The following GABRG3 variants were observed in gnomAD, a reference collection of about 807,000 sequenced individuals.
GABRG3 encodes gamma-aminobutyric acid type A receptor subunit gamma3.
In GABRG3, 25 loss-of-function variants were observed where a neutral mutation model predicts 48.8. The observed-to-expected ratio is 0.51, with a 90% CI of 0.37 to 0.72. GABRG3 has a LOEUF of 0.72. GABRG3 is among the 30% of genes least tolerant of loss of function. GABRG3 has a pLI of 0.00. For synonymous variants in GABRG3, 227 were observed against 217.6 expected (o/e 1.04, Z -0.38); for missense variants, 394 against 577.9 (o/e 0.68, Z 3.26).
intron 3 of GABRG3, among the ~76,000 whole-genome samples, chr15:27,197,835 G>A (rs957134538): frequency 5.9e-5 from 9 of 151,988 alleles, no homozygotes; most frequent in Non-Finnish European, 1.2e-4. Flanking sequence ...GTTTAGTCTT[G>A]GGAGGATGTG....
intron 3 of GABRG3, among the ~76,000 whole-genome samples, chr15:27,222,891 C>T (rs1889497337): frequency 6.6e-6 from 1 of 152,192 alleles, no homozygotes; most frequent in Non-Finnish European, 1.5e-5. Context: ...TCCACACAGT[C>T]TCACTTCAGA....
rs57522857 is a variant in GABRG3, at chr15:27,265,882, G to GTTTTTTTTTTTTTTTTTTTTT, written c.271-60912_271-60911insTTTTTTTTTTTTTTTTTTTTT. Among the ~76,000 whole-genome samples, 16 of 127,582 alleles carry GTTTTTTTTTTTTTTTTTTTTT rather than the reference G, an allele frequency of 1.3e-4. 1 individual carries two copies. Among genetic ancestry groups the GTTTTTTTTTTTTTTTTTTTTT allele is most frequent in the African/African-American group, 2.7e-4 (8 of 29,444 alleles). 83.7% of individuals were successfully genotyped at this position (127,582 alleles called of 152,430 possible). On this transcript the variant is annotated intron_variant, in intron 3 of 9. Transcript: ENST00000615808. ...GCAAGGTCAAGAAGATTTTCTCCTG[G>GTTTTTTTTTTTTTTTTTTTTT]TTTTTTTTTTTTTTTGAGAGTGACC...
intron 3 of GABRG3, among the ~76,000 whole-genome samples, chr15:27,318,574 G>A (rs1893311894): frequency 6.6e-6 from 1 of 152,184 alleles, no homozygotes; most frequent in African/African-American, 2.4e-5. Context: ...AGGGCCGATT[G>A]TGCCCAGGGA....
intron 3 of GABRG3, among the ~76,000 whole-genome samples, chr15:27,225,619 G>A (rs966081162): frequency 1.3e-5 from 2 of 152,120 alleles, no homozygotes; most frequent in African/African-American, 2.4e-5. Context: ...GGATGAAGAG[G>A]CAAGCATGGA....
chr15:27,254,216 G>A (rs1403376981), intron 3 of GABRG3, among the ~76,000 whole-genome samples: 1 of 152,126 alleles, frequency 6.6e-6, no homozygotes, highest in Non-Finnish European at 1.5e-5. Context: ...CTGGAGATAT[G>A]CCAGGTGGGG....
intron 2 of GABRG3, among the ~76,000 whole-genome samples, chr15:27,001,039 C>T (rs1006249427): frequency 1.3e-5 from 2 of 152,144 alleles, no homozygotes; most frequent in Non-Finnish European, 2.9e-5. Flanking sequence ...GTTACCCAAG[C>T]GAGGACCTTT....
intron 3 of GABRG3, among the ~76,000 whole-genome samples, chr15:27,156,319 A>T (rs1898423982): frequency 7.0e-6 from 1 of 142,596 alleles, no homozygotes; most frequent in Admixed American, 7.0e-5. Context: ...AAAAAAAAAA[A>T]AAGAAAGAAA....
chr15:27,060,024 C>T (rs1382506374), intron 3 of GABRG3, among the ~76,000 whole-genome samples: 3 of 152,192 alleles, frequency 2.0e-5, no homozygotes, highest in Non-Finnish European at 2.9e-5. Context: ...AAACACTAGA[C>T]TTTCCACAAT....
intron 3 of GABRG3, among the ~76,000 whole-genome samples, chr15:27,274,168 G>C (rs1891177860): frequency 6.6e-6 from 1 of 152,200 alleles, no homozygotes; most frequent in Non-Finnish European, 1.5e-5. Context: ...ATCAAGGACA[G>C]AGTAGTGACT....
chr15:27,488,325 A>G (rs1890268040), intron 6 of GABRG3, among the ~76,000 whole-genome samples: 1 of 152,178 alleles, frequency 6.6e-6, no homozygotes, highest in African/African-American at 2.4e-5. Flanking sequence ...CTTAGCACAT[A>G]GCATTGTACT....
chr15:26,972,582 A>G (rs146327831), intron 1 of GABRG3, among the ~76,000 whole-genome samples: 3 of 152,084 alleles, frequency 2.0e-5, no homozygotes, highest in Non-Finnish European at 4.4e-5. Context: ...TCTTGTTTTG[A>G]CGCTTCTCCA....
At chr15:27,301,196 A>C (rs910339730) in intron 3 of GABRG3, among the ~76,000 whole-genome samples, 41 of 152,204 alleles carry the variant, frequency 2.7e-4, no homozygotes, top group African/African-American at 8.4e-4. Context: ...AGCGAATGTG[A>C]TGCTAAAGAA....
At chr15:27,102,813 T>G (rs191667772) in intron 3 of GABRG3, among the ~76,000 whole-genome samples, 83 of 152,290 alleles carry the variant, frequency 5.5e-4, no homozygotes, top group African/African-American at 1.8e-3. Flanking sequence ...TTTACCGACA[T>G]AAGTATATAA....
intron 3 of GABRG3, among the ~76,000 whole-genome samples, chr15:27,170,020 T>C (rs1887512610): frequency 6.6e-6 from 1 of 152,204 alleles, no homozygotes; most frequent in Admixed American, 6.5e-5. Flanking sequence ...TATTTTATGA[T>C]TAACAAGTGA....
Position 27,305,355 on chromosome 15 carries a change from A to G in GABRG3, c.271-21454A>G, listed in dbSNP as rs1249366454. The stretch of plus-strand genomic sequence containing the variant: ...TTATAGGAAACTAAAACTCTAATAA[A>G]AGATATTTGAAAAATAAAGAAATAG... On this transcript the variant is annotated intron_variant, in intron 3 of 9. Coordinates refer to ENST00000615808, the MANE Select transcript of GABRG3 (RefSeq NM_033223.5). 2.0e-5 allele frequency among the ~76,000 whole-genome samples: 3 copies of G among 151,302 alleles called. No homozygotes were observed. The Admixed American group carries it at 2.0e-4, about 10-fold the overall frequency.
chr15:27,491,253 C>T (rs1566865081), intron 6 of GABRG3, among the ~76,000 whole-genome samples: 1 of 152,240 alleles, frequency 6.6e-6, no homozygotes, highest in Non-Finnish European at 1.5e-5. Context: ...CGGGGCTCCC[C>T]TTCCCAGAGG....
At chr15:27,449,520 T>A (rs1291940131) in intron 5 of GABRG3, among the ~76,000 whole-genome samples, 2 of 152,232 alleles carry the variant, frequency 1.3e-5, no homozygotes, top group African/African-American at 4.8e-5. Context: ...GTTTACATTT[T>A]GTGATGGTAG....
chr15:27,105,482 T>A (rs188688303), intron 3 of GABRG3, among the ~76,000 whole-genome samples: 7 of 152,308 alleles, frequency 4.6e-5, no homozygotes, highest in Non-Finnish European at 7.4e-5. Context: ...AGAATGTTCA[T>A]TGAGATATAC....
intron 6 of GABRG3, among the ~76,000 whole-genome samples, chr15:27,516,237 G>T (rs1025917631): frequency 6.6e-6 from 1 of 151,934 alleles, no homozygotes; most frequent in South Asian, 2.1e-4. Flanking sequence ...GTCTTTAAAT[G>T]TACCATGTCC....
Sources: allele counts gnomAD v4.1 joint callset (sites outside exome capture counted in the v4.1 genomes callset), GRCh38; gene constraint gnomAD v4.1.1; transcripts MANE v1.5; gene names NCBI Gene and HGNC (gene_info 2026-07-23, HGNC 2026-07-21).